PELI2: variants seen among roughly 807,000 people sequenced by gnomAD.
PELI2 encodes the protein E3 ubiquitin-protein ligase pellino homolog 2.
Under a neutral mutation model 42.3 loss-of-function variants are expected in PELI2, and 23 were observed. The observed-to-expected ratio is 0.54, with a 90% CI of 0.39 to 0.77. The LOEUF (loss-of-function observed/expected upper bound fraction) is 0.77, where lower values mean the gene tolerates loss of function less well. Among genes scored for constraint, PELI2 ranks in the 30% least tolerant of loss-of-function variants. The probability of loss-of-function intolerance (pLI) is 0.00; values close to 1 mark genes in which losing one functional copy is unlikely to be tolerated. For missense variants in PELI2, 463 were observed against 553.2 expected (o/e 0.84, Z 1.64); for synonymous variants, 245 against 212.2 (o/e 1.15, Z -1.34).
Position 56,262,849 on chromosome 14 carries a change from G to A in PELI2, c.208-16827G>A, listed in dbSNP as rs746069312. 5.6e-4 allele frequency among the ~76,000 whole-genome samples: 86 copies of A among 152,258 alleles called. 1 individual carries two copies. Among genetic ancestry groups the A allele is most frequent in the Non-Finnish European group, 1.0e-3 (69 of 68,008 alleles). ...TCATATTCTCTACCAAATACAGCCA[G>A]AATGTAAAAGTTTTAATATAGAATA... is the stretch of plus-strand genomic sequence containing the variant. On this transcript the variant is annotated intron_variant, in intron 2 of 5. Coordinates refer to ENST00000267460, the MANE Select transcript of PELI2 (RefSeq NM_021255.3).
intron 1 of PELI2, among the ~76,000 whole-genome samples, chr14:56,167,491 T>C (rs984163109): frequency 2.6e-5 from 4 of 152,224 alleles, no homozygotes; most frequent in African/African-American, 9.6e-5. Context: ...AATTGCACTT[T>C]TTCAGCTCCA....
rs1889251686 is a variant in PELI2 at position 56,275,255 on chromosome 14, T to C, written c.208-4421T>C. Among the ~76,000 whole-genome samples, 3 of 152,076 alleles carry C rather than the reference T, an allele frequency of 2.0e-5. 1 individual carries two copies. The highest frequency in any genetic ancestry group is 6.5e-5 in the Admixed American group (1 of 15,276). ...TAGAGAAGTGAATATAGGAAATCAT[T>C]ATTGTCTACACCAGCAGTCCCCAGC... On this transcript the variant is annotated intron_variant, in intron 2 of 5. Transcript: ENST00000267460.
chr14:56,246,572 A>AT (rs1449523594), intron 2 of PELI2, among the ~76,000 whole-genome samples: 1 of 152,058 alleles, frequency 6.6e-6, no homozygotes, highest in Non-Finnish European at 1.5e-5. Flanking sequence ...GATTAGAGTG[A>AT]TTTTTTTGTG....
At chr14:56,253,320 T>C (rs1426925460) in intron 2 of PELI2, among the ~76,000 whole-genome samples, 2 of 152,234 alleles carry the variant, frequency 1.3e-5, no homozygotes, top group Non-Finnish European at 2.9e-5. Flanking sequence ...TCACCAGTCC[T>C]ATTCAATATA....
chr14:56,146,927 A>C (rs1216234976), intron 1 of PELI2, among the ~76,000 whole-genome samples: 6 of 152,056 alleles, frequency 3.9e-5, no homozygotes, highest in South Asian at 2.1e-4. Context: ...ATCACCATAC[A>C]TTGTTCCCTC....
intron 2 of PELI2, among the ~76,000 whole-genome samples, chr14:56,196,761 C>G (rs1465486331): frequency 1.3e-5 from 2 of 152,090 alleles, no homozygotes; most frequent in Non-Finnish European, 2.9e-5. Flanking sequence ...TATTTAAATT[C>G]CTTGCCTATT....
At chr14:56,211,771 C>T (rs3783666) in intron 2 of PELI2, among the ~76,000 whole-genome samples, 61,313 of 151,622 alleles carry the variant, frequency 0.4, 13,079 homozygotes, top group South Asian at 0.53. Context: ...TTCCAAGTCG[C>T]GGGTGGTGTG....
At position 56,197,481 on chromosome 14, in the gene PELI2, T is replaced by C. The variant is rs1188728120; in HGVS notation, c.207+19017T>C. Among the ~76,000 whole-genome samples, 1 of 152,054 alleles carries C rather than the reference T, an allele frequency of 6.6e-6. No homozygotes were observed. The highest frequency in any genetic ancestry group is 1.9e-4 in the East Asian group (1 of 5,186). Reference sequence around the variant, plus strand: ...TTGCAATAGGAAGCTGTTGGGTGTTTGGGGAGACATTTATGCATGAAGCGG... The same window carrying C: ...TTGCAATAGGAAGCTGTTGGGTGTTCGGGGAGACATTTATGCATGAAGCGG... On this transcript the variant is annotated intron_variant, in intron 2 of 5. Coordinates refer to ENST00000267460, the MANE Select transcript of PELI2 (RefSeq NM_021255.3). The surrounding 1 kb of genome is among the most constrained non-coding windows in gnomAD (Gnocchi z 4.9).
intron 2 of PELI2, among the ~76,000 whole-genome samples, chr14:56,231,571 A>T (rs1594664504): frequency 1.3e-5 from 2 of 152,238 alleles, no homozygotes; most frequent in African/African-American, 4.8e-5. Flanking sequence ...GAGAACAAAG[A>T]CACAACATAC....
At chr14:56,247,566 G>A (rs1254191019) in intron 2 of PELI2, among the ~76,000 whole-genome samples, 1 of 152,204 alleles carries the variant, frequency 6.6e-6, no homozygotes, top group East Asian at 1.9e-4. Flanking sequence ...TTTTGACCCT[G>A]TCATCAGTGG....
chr14:56,235,348 TC>T lies in PELI2; in HGVS notation c.208-44326del, dbSNP rs1887752602. On this transcript the variant is annotated intron_variant, in intron 2 of 5. Transcript: ENST00000267460. ...TATATCCCCCCAAAATTTGGGGACT[TC>T]CAGAGAAATCTTTGAAAATGCACAT... Among the ~76,000 whole-genome samples the T allele has an allele frequency of 2.0e-5, 3 of 152,222 alleles. No homozygotes were observed. The South Asian group carries it at 6.2e-4, about 31-fold the overall frequency.
At chr14:56,233,119 G>A (rs932263450) in intron 2 of PELI2, among the ~76,000 whole-genome samples, 9 of 152,126 alleles carry the variant, frequency 5.9e-5, no homozygotes, top group Non-Finnish European at 1.2e-4. Context: ...ACAAACAAAT[G>A]GAAGAACATT....
rs529259037 is a variant in PELI2, at chr14:56,239,761, G to A, written c.208-39915G>A. ...CCTCAAAGCACTGGTGATTTGGGAA[G>A]TCCTTTAGAGAAGCAGTGAGAGCAC... On this transcript the variant is annotated intron_variant, in intron 2 of 5. Transcript: ENST00000267460. 2.0e-5 allele frequency among the ~76,000 whole-genome samples: 3 copies of A among 152,280 alleles called. No individual in the cohort carries two copies. In the East Asian group the frequency reaches 5.8e-4, roughly 29 times the overall value.
chr14:56,145,629 TCAGACAGTAG>T (rs1323475806), intron 1 of PELI2, among the ~76,000 whole-genome samples: 1 of 152,238 alleles, frequency 6.6e-6, no homozygotes, highest in Non-Finnish European at 1.5e-5. Flanking sequence ...GAGGGCATTA[TCAGACAGTAG>T]CAGTTCACAT....
intron 2 of PELI2, among the ~76,000 whole-genome samples, chr14:56,264,768 C>A (rs973374136): frequency 3.3e-5 from 5 of 152,104 alleles, no homozygotes; most frequent in Non-Finnish European, 7.4e-5. Context: ...ACACAGAAAA[C>A]AATTATTTGA....
intron 1 of PELI2, among the ~76,000 whole-genome samples, chr14:56,149,342 G>T (rs971764541): frequency 1.3e-5 from 2 of 152,110 alleles, no homozygotes; most frequent in African/African-American, 2.4e-5. Context: ...CTTATGCATC[G>T]TTCTGCTTTA....
At chr14:56,253,284 C>G (rs1284977560) in intron 2 of PELI2, among the ~76,000 whole-genome samples, 2 of 152,160 alleles carry the variant, frequency 1.3e-5, no homozygotes, top group African/African-American at 4.8e-5. Flanking sequence ...CCTTTGAAAG[C>G]CAGCACAAGA....
At chr14:56,190,322 G>C (rs985961455) in intron 2 of PELI2, among the ~76,000 whole-genome samples, 20 of 152,230 alleles carry the variant, frequency 1.3e-4, no homozygotes, top group African/African-American at 4.6e-4. Flanking sequence ...TGTTAAATTT[G>C]GTTCTCTTAA....
chr14:56,242,965 T>TA (rs776575901), intron 2 of PELI2, among the ~76,000 whole-genome samples: 5 of 152,210 alleles, frequency 3.3e-5, no homozygotes, highest in African/African-American at 4.8e-5. Context: ...GCTTTCCATG[T>TA]AACCAAACAC....
Sources: allele counts gnomAD v4.1 joint callset (sites outside exome capture counted in the v4.1 genomes callset), GRCh38; gene constraint gnomAD v4.1.1; non-coding constraint Gnocchi (gnomAD v3.1); transcripts MANE v1.5; gene names NCBI Gene and HGNC (gene_info 2026-07-23, HGNC 2026-07-21).